The following DACH1 variants were observed in gnomAD, a reference collection of about 807,000 sequenced individuals.
The protein encoded by DACH1 is dachshund homolog 1.
In DACH1, 12 loss-of-function variants were observed where a neutral mutation model predicts 54.2. The observed-to-expected ratio is 0.22, with a 90% CI of 0.14 to 0.36. The LOEUF is 0.36. Among genes scored for constraint, DACH1 ranks in the 10% least tolerant of loss-of-function variants. The pLI is 1.00. For synonymous variants in DACH1, 386 were observed against 366.2 expected, an observed-to-expected ratio of 1.05 and a Z score of -0.62; for missense variants, 805 against 929.8, an observed-to-expected ratio of 0.87 and a Z score of 1.75.
At chr13:71,831,030 C>T (rs994229664) in intron 1 of DACH1, among the ~76,000 whole-genome samples, 1 of 151,694 alleles carries the variant, frequency 6.6e-6, no homozygotes, top group Non-Finnish European at 1.5e-5. Context: ...GATTATGGTC[C>T]CAGAAATGTA....
intron 1 of DACH1, among the ~76,000 whole-genome samples, chr13:71,708,192 T>C (rs1442495676): frequency 6.6e-6 from 1 of 151,378 alleles, no homozygotes; most frequent in Non-Finnish European, 1.5e-5. Flanking sequence ...CTCTTCTGCA[T>C]GGCTTATTCC....
intron 1 of DACH1, among the ~76,000 whole-genome samples, chr13:71,739,907 C>T (rs781241684): frequency 1.1e-3 from 174 of 152,238 alleles, no homozygotes; most frequent in Middle Eastern, 0.01. Context: ...AAGCTAATAA[C>T]GTGAGCTTTT....
chr13:71,487,894 G>A (rs1878668689), intron 7 of DACH1, among the ~76,000 whole-genome samples: 2 of 152,080 alleles, frequency 1.3e-5, no homozygotes, highest in Non-Finnish European at 2.9e-5. Flanking sequence ...AGAAAGAAAA[G>A]TCTTTTGTTT....
chr13:71,682,649 C>A (rs1434673453), intron 1 of DACH1, among the ~76,000 whole-genome samples: 7 of 152,088 alleles, frequency 4.6e-5, no homozygotes, highest in Admixed American at 6.5e-5. Flanking sequence ...CTAAAATATA[C>A]TTGAAAGGCT....
At chr13:71,643,763 A>G (rs1312984810) in intron 2 of DACH1, among the ~76,000 whole-genome samples, 1 of 152,194 alleles carries the variant, frequency 6.6e-6, no homozygotes, top group Admixed American at 6.5e-5. Flanking sequence ...GTTACGGACA[A>G]TGAGAGGAAA....
At chr13:71,842,111 C>T (rs979203128) in intron 1 of DACH1, among the ~76,000 whole-genome samples, 8 of 152,126 alleles carry the variant, frequency 5.3e-5, no homozygotes, top group African/African-American at 1.9e-4. Context: ...GTACCTGTTT[C>T]CTTGGGCAAT....
chr13:71,709,729 AG>A (rs1019659361), intron 1 of DACH1, among the ~76,000 whole-genome samples: 4 of 152,214 alleles, frequency 2.6e-5, no homozygotes, highest in African/African-American at 7.2e-5. Context: ...TATAGAAAAA[AG>A]CATAGTATAT....
At chr13:71,833,348 T>C (rs1414354738) in intron 1 of DACH1, among the ~76,000 whole-genome samples, 1 of 152,012 alleles carries the variant, frequency 6.6e-6, no homozygotes, top group African/African-American at 2.4e-5. Flanking sequence ...TTTATCTTTG[T>C]TTATAAAGAG....
rs185222107 is a variant in DACH1 at position 71,740,530 on chromosome 13, T to C, written c.849-58620A>G. On this transcript the variant is annotated intron_variant, in intron 1 of 10. Coordinates refer to ENST00000613252, the MANE Select transcript of DACH1 (RefSeq NM_080759.6). ...TGTTCTTTAAAACTCCTCAGTAATA[T>C]ATTGATTTATTTATATTTCAAGTGA... 3.0e-3 allele frequency among the ~76,000 whole-genome samples: 464 copies of C among 152,222 alleles called. 4 individuals are homozygous for C. Among genetic ancestry groups the C allele is most frequent in the African/African-American group, 0.011 (451 of 41,550 alleles).
chr13:71,443,716 A>C (rs2138098833), intron 10 of DACH1, among the ~76,000 whole-genome samples: 1 of 151,800 alleles, frequency 6.6e-6, no homozygotes, highest in South Asian at 2.1e-4. Context: ...ATGCAGTCTA[A>C]AGGGATTTTA....
At chr13:71,839,929 C>G (rs555404532) in intron 1 of DACH1, among the ~76,000 whole-genome samples, 1 of 151,992 alleles carries the variant, frequency 6.6e-6, no homozygotes, top group Non-Finnish European at 1.5e-5. Flanking sequence ...TATATCCCCA[C>G]TAAAGCCGTA....
intron 6 of DACH1, among the ~76,000 whole-genome samples, chr13:71,539,859 A>G (rs191557643): frequency 1.3e-3 from 200 of 152,172 alleles, no homozygotes; most frequent in African/African-American, 4.4e-3. Flanking sequence ...AATACAAAGA[A>G]TGCGGTCATG....
rs2137951767 is a variant in DACH1, at chr13:71,742,647, C to T, written c.849-60737G>A. 1.3e-5 allele frequency among the ~76,000 whole-genome samples: 2 copies of T among 152,280 alleles called. 1 individual carries two copies. Among genetic ancestry groups the T allele is most frequent in the South Asian group, 4.1e-4 (2 of 4,826 alleles). ...TTTACTATTAGTAAAGGGATTTCTG[C>T]TGTCTGCAGAATTGCAGCCTCTTCT... On this transcript the variant is annotated intron_variant, in intron 1 of 10. Coordinates refer to ENST00000613252, the MANE Select transcript of DACH1 (RefSeq NM_080759.6).
At chr13:71,757,522 C>CTTT (rs71126504) in intron 1 of DACH1, among the ~76,000 whole-genome samples, 1 of 128,932 alleles carries the variant, frequency 7.8e-6, no homozygotes, top group Non-Finnish European at 1.7e-5. Flanking sequence ...TTTAAAGGTA[C>CTTT]TTTTTTTTTT....
chr13:71,769,295 C>T (rs763164687), intron 1 of DACH1, among the ~76,000 whole-genome samples: 9 of 151,644 alleles, frequency 5.9e-5, no homozygotes, highest in Non-Finnish European at 1.3e-4. Context: ...AAACTCTACA[C>T]TAAAAATCTT....
At chr13:71,752,468 CTCTG>C (rs1024864561) in intron 1 of DACH1, among the ~76,000 whole-genome samples, 6 of 138,570 alleles carry the variant, frequency 4.3e-5, no homozygotes, top group South Asian at 2.3e-4. Flanking sequence ...CTCTTTCTCT[CTCTG>C]TCTGTCTCTC....
chr13:71,748,574 T>C (rs957560928), intron 1 of DACH1, among the ~76,000 whole-genome samples: 1 of 152,168 alleles, frequency 6.6e-6, no homozygotes, highest in East Asian at 1.9e-4. Flanking sequence ...GGGGCACCAT[T>C]GAATAAAGGT....
At chr13:71,447,402 A>G (rs1056796484) in intron 10 of DACH1, among the ~76,000 whole-genome samples, 23 of 152,200 alleles carry the variant, frequency 1.5e-4, no homozygotes, top group Admixed American at 5.2e-4. Context: ...AATATTTTTT[A>G]ATGTATTATT....
chr13:71,853,369 C>G (rs1450221426), intron 1 of DACH1, among the ~76,000 whole-genome samples: 1 of 152,142 alleles, frequency 6.6e-6, no homozygotes, highest in Non-Finnish European at 1.5e-5. Context: ...TTTAACCAGT[C>G]AATGAGAAGT....
Sources: allele counts gnomAD v4.1 joint callset (sites outside exome capture counted in the v4.1 genomes callset), GRCh38; gene constraint gnomAD v4.1.1; transcripts MANE v1.5; gene names NCBI Gene and HGNC (gene_info 2026-07-23, HGNC 2026-07-21).